INTS8: variants seen among roughly 807,000 people sequenced by gnomAD.
The protein encoded by INTS8 is integrator complex subunit 8.
Under a neutral mutation model 138.9 loss-of-function variants are expected in INTS8, and 47 were observed. The ratio of observed to expected loss-of-function variants is 0.34; its 90% CI spans 0.27 to 0.43. The LOEUF is 0.43. Among genes scored for constraint, INTS8 ranks in the 20% least tolerant of loss-of-function variants. The pLI, the probability that INTS8 is intolerant of heterozygous loss-of-function variation, is 1.00. For synonymous variants in INTS8, 392 were observed against 400.9 expected, an observed-to-expected ratio of 0.98 and a Z score of 0.27; for missense variants, 996 against 1,173.0, an observed-to-expected ratio of 0.85 and a Z score of 2.20.
At chr8:94,865,849 T>C (rs1021581212) in intron 17 of INTS8, 159 bp downstream of exon 17, 1 of 669,928 alleles carries the variant, frequency 1.5e-6, no homozygotes, top group African/African-American at 1.8e-5. Flanking sequence ...TCACCTGTGA[T>C]GAACCTGTCT....
intron 4 of INTS8, 71 bp downstream of exon 4, chr8:94,827,864 A>G (rs531574416): frequency 2.2e-5 from 26 of 1,203,598 alleles, no homozygotes; most frequent in Non-Finnish European, 3.1e-5. Flanking sequence ...GCAAGTTTTT[A>G]ATAACCTCTG....
intron 26 of INTS8, among the ~76,000 whole-genome samples, chr8:94,879,077 C>T (rs937145408): frequency 6.6e-6 from 1 of 152,140 alleles, no homozygotes; most frequent in African/African-American, 2.4e-5. Context: ...GCTCCTATTC[C>T]AACTTCTGTC....
At chr8:94,857,043 TA>T (rs1445424642) in intron 15 of INTS8, 65 bp downstream of exon 15, 1 of 1,182,622 alleles carries the variant, frequency 8.5e-7, no homozygotes, top group African/African-American at 1.5e-5. Flanking sequence ...GGGGAAAATT[TA>T]AAAGCAGATT....
At chr8:94,857,118 G>A (rs1295812645) in intron 15 of INTS8, 140 bp downstream of exon 15, 2 of 670,712 alleles carry the variant, frequency 3.0e-6, no homozygotes, top group Non-Finnish European at 4.9e-6. Context: ...TGTCACCCAG[G>A]CTGGAGTGTA....
At chr8:94,875,417 T>G (rs184303031) in intron 23 of INTS8, among the ~76,000 whole-genome samples, 1 of 152,158 alleles carries the variant, frequency 6.6e-6, no homozygotes, top group East Asian at 1.9e-4. Flanking sequence ...ATGTTCAGAG[T>G]AGGCAAATGT....
intron 8 of INTS8, among the ~76,000 whole-genome samples, chr8:94,840,658 A>G (rs139910373): frequency 2.6e-5 from 4 of 150,996 alleles, no homozygotes; most frequent in East Asian, 2.0e-4. Flanking sequence ...CCCGGGTCCA[A>G]GTGATTCTTC....
At chr8:94,851,002 A>G (rs2131032135) in intron 12 of INTS8, among the ~76,000 whole-genome samples, 1 of 152,342 alleles carries the variant, frequency 6.6e-6, no homozygotes, top group South Asian at 2.1e-4. Flanking sequence ...TTGAATGTCC[A>G]GTTGTAAAGG....
chr8:94,859,656 A>T (rs757714784), intron 16 of INTS8, 24 bp downstream of exon 16: 3 of 1,569,630 alleles, frequency 1.9e-6, no homozygotes, highest in South Asian at 2.2e-5. Flanking sequence ...AAATAAAAGG[A>T]TTGTTAGGAT....
At chr8:94,857,093 G>C (rs957389802) in intron 15 of INTS8, 115 bp downstream of exon 15, 20 of 703,848 alleles carry the variant, frequency 2.8e-5, no homozygotes, top group African/African-American at 4.0e-5. Flanking sequence ...TTTTTTTTGA[G>C]ATGGAGTGTA....
intron 23 of INTS8, among the ~76,000 whole-genome samples, chr8:94,875,644 T>C (rs956303219): frequency 6.6e-6 from 1 of 152,236 alleles, no homozygotes; most frequent in African/African-American, 2.4e-5. Context: ...AAAAACTATT[T>C]TTTAAAGAGA....
chr8:94,856,741 G>A, intron 14 of INTS8, 36 bp from the exon 15 acceptor site: 2 of 1,587,138 alleles, frequency 1.3e-6, no homozygotes, highest in Non-Finnish European at 1.7e-6. Flanking sequence ...GGCGCCAAAG[G>A]AAAGGTGACC....
chr8:94,843,840 T>C (rs115714719), intron 10 of INTS8, among the ~76,000 whole-genome samples: 1,530 of 152,290 alleles, frequency 0.01, 23 homozygotes, highest in African/African-American at 0.035. Context: ...GCCTGAGTGT[T>C]CTCATCAGTC....
rs775894659 is a variant in INTS8 at position 94,827,723 on chromosome 8, G to A, written c.448G>A (p.Ala150Thr). The change falls in exon 4 of 27, where the codon GCA (alanine) becomes ACA (threonine). Residue 150 changes from alanine to threonine, a missense_variant and splice_region_variant. Ala to Thr is a moderately conservative substitution (Grantham distance 58). Transcript: ENST00000523731. ...AMAVLLYNRW[A>T]IRTIVQSSFP... ...TTCTTTTTCCTGTCTTTTCTTCAGG[G>A]CAATTAGGACAATTGTTCAAAGTAG... The A allele has an allele frequency of 1.2e-6, 2 of 1,613,392 alleles. No homozygotes were observed. Among genetic ancestry groups the A allele is most frequent in the South Asian group, 1.1e-5 (1 of 91,006 alleles).
chr8:94,880,048 T>C (rs1366374588), intron 26 of INTS8, 70 bp from the exon 27 acceptor site: 2 of 1,010,826 alleles, frequency 2.0e-6, no homozygotes, highest in Non-Finnish European at 3.0e-6. Flanking sequence ...TAGGTAGCTT[T>C]ATATTACTTG....
At chr8:94,842,610 T>A in intron 10 of INTS8, 122 bp downstream of exon 10, 1 of 715,952 alleles carries the variant, frequency 1.4e-6, no homozygotes, top group Non-Finnish European at 2.3e-6. Context: ...GCCTGACAAT[T>A]GGCACTTTTG....
intron 5 of INTS8, among the ~76,000 whole-genome samples, chr8:94,829,510 A>G (rs939769569): frequency 5.9e-5 from 9 of 152,294 alleles, no homozygotes; most frequent in African/African-American, 1.7e-4. Flanking sequence ...AGCTGTAAAT[A>G]CAGATGAAGC....
Position 94,842,292 on chromosome 8 carries a change from C to T in INTS8, c.1119-55C>T, listed in dbSNP as rs913291930. On this transcript the variant is annotated intron_variant, in intron 9 of 26. Coordinates refer to ENST00000523731, the MANE Select transcript of INTS8 (RefSeq NM_017864.4). ...CTTGTGAATATAGTTGTATAATATA[C>T]ACCTTTCTTTTGTAGTAAAAATAAC... 1.4e-5 allele frequency: 17 copies of T among 1,220,100 alleles called. No individual in the cohort carries two copies. In the African/African-American group the frequency reaches 1.7e-4, roughly 12 times the overall value. 75.6% of individuals were successfully genotyped at this position (1,220,100 alleles called of 1,614,324 possible). A position where few individuals can be genotyped will look rare whatever the true frequency, so the allele number is the denominator to read the frequency against.
chr8:94,857,069 ATCT>A (rs1457170213), intron 15 of INTS8, 91 bp downstream of exon 15: 3 of 867,498 alleles, frequency 3.5e-6, no homozygotes, highest in African/African-American at 1.8e-5. Flanking sequence ...TGAGTTTGTA[ATCT>A]TTTTTTTTTT....
intron 12 of INTS8, among the ~76,000 whole-genome samples, chr8:94,850,565 T>A (rs557016669): frequency 6.8e-6 from 1 of 146,488 alleles, no homozygotes; most frequent in South Asian, 2.1e-4. Flanking sequence ...TGAGCCAAGA[T>A]TGCGCCACTG....
Sources: gnomAD v4.1 joint callset for allele counts (sites outside exome capture counted in the v4.1 genomes callset) on GRCh38, gnomAD v4.1.1 for gene constraint, MANE v1.5 for transcripts, NCBI Gene and HGNC (gene_info 2026-07-23, HGNC 2026-07-21) for gene names.